The following CSMD1 variants were observed in gnomAD, a reference collection of about 807,000 sequenced individuals.
The protein encoded by CSMD1 is CUB and Sushi multiple domains 1.
In CSMD1, 213 loss-of-function variants were observed where a neutral mutation model predicts 417.5. That is an observed-to-expected ratio of 0.51 (90% CI 0.46 to 0.57). The LOEUF is 0.57. Ranked by LOEUF, CSMD1 falls within the 20% of genes least tolerant of loss-of-function variation. CSMD1 has a pLI of 0.00. For missense variants in CSMD1, 6,923 were observed against 4,529.7 expected (o/e 1.53, Z -15.17); for synonymous variants, 2,862 against 1,736.8 (o/e 1.65, Z -16.11).
chr8:3,336,127 T>G (rs2117569928), intron 23 of CSMD1, among the ~76,000 whole-genome samples: 1 of 151,770 alleles, frequency 6.6e-6, no homozygotes, highest in Middle Eastern at 3.4e-3. Context: ...GGCAGGTTTC[T>G]CCAAACCTCT....
At chr8:4,378,829 G>A (rs1028242706) in intron 3 of CSMD1, among the ~76,000 whole-genome samples, 2 of 152,150 alleles carry the variant, frequency 1.3e-5, no homozygotes, top group African/African-American at 4.8e-5. Context: ...TCTGCCATGT[G>A]AGGACACATA....
At chr8:4,306,547 C>A (rs1798259413) in intron 3 of CSMD1, among the ~76,000 whole-genome samples, 1 of 152,066 alleles carries the variant, frequency 6.6e-6, no homozygotes, top group Admixed American at 6.6e-5. Flanking sequence ...AAATTTTCTT[C>A]CTTATGCAAA....
chr8:4,251,346 G>A (rs1305685613), intron 3 of CSMD1, among the ~76,000 whole-genome samples: 2 of 152,208 alleles, frequency 1.3e-5, no homozygotes, highest in Non-Finnish European at 2.9e-5. Flanking sequence ...TTAATAAAAT[G>A]TAATTTAAGA....
chr8:3,586,826 G>C (rs1563176798), intron 8 of CSMD1, among the ~76,000 whole-genome samples: 1 of 152,156 alleles, frequency 6.6e-6, no homozygotes, highest in Admixed American at 6.5e-5. Flanking sequence ...TTGAGACAGA[G>C]TCTCACACTG....
intron 65 of CSMD1, among the ~76,000 whole-genome samples, chr8:2,953,791 G>C (rs1277872407): frequency 1.3e-5 from 2 of 152,144 alleles, no homozygotes; most frequent in Non-Finnish European, 2.9e-5. Flanking sequence ...GAGACACTTG[G>C]AAAAAAATTG....
intron 5 of CSMD1, among the ~76,000 whole-genome samples, chr8:3,859,851 G>C (rs534989171): frequency 6.6e-6 from 1 of 152,250 alleles, no homozygotes; most frequent in South Asian, 2.1e-4. Flanking sequence ...GAAGCCTCCT[G>C]GGTACAGCCT....
intron 5 of CSMD1, among the ~76,000 whole-genome samples, chr8:3,901,665 G>C (rs1356981920): frequency 2.6e-5 from 4 of 152,318 alleles, no homozygotes; most frequent in Admixed American, 6.5e-5. Context: ...TATGTTCACA[G>C]AATGTACTTC....
At chr8:4,023,777 T>C (rs1796914552) in intron 4 of CSMD1, among the ~76,000 whole-genome samples, 1 of 104,140 alleles carries the variant, frequency 9.6e-6, no homozygotes, top group Non-Finnish European at 1.9e-5. Flanking sequence ...TTTTTTTTTT[T>C]TTTTTTTGTG....
intron 2 of CSMD1, among the ~76,000 whole-genome samples, chr8:4,609,322 G>T (rs1341194107): frequency 6.6e-6 from 1 of 152,152 alleles, no homozygotes; most frequent in Admixed American, 6.5e-5. Flanking sequence ...GATTGCTGGA[G>T]CCTGGGAGGC....
At chr8:3,262,609 T>C (rs959744621) in intron 26 of CSMD1, among the ~76,000 whole-genome samples, 2 of 151,534 alleles carry the variant, frequency 1.3e-5, no homozygotes, top group African/African-American at 4.9e-5. Context: ...ATGTGAAAGA[T>C]TATAGTCAGT....
chr8:3,804,033 T>C (rs1224062795), intron 5 of CSMD1, among the ~76,000 whole-genome samples: 1 of 152,144 alleles, frequency 6.6e-6, no homozygotes, highest in Admixed American at 6.5e-5. Context: ...GTTCAAGCGA[T>C]TCTTCTTCCT....
intron 12 of CSMD1, among the ~76,000 whole-genome samples, chr8:3,449,611 G>A (rs75461358): frequency 0.1 from 15,458 of 151,776 alleles, 1,391 homozygotes; most frequent in East Asian, 0.31. Flanking sequence ...TCTGCCTCTT[G>A]GGTTCAAGCA....
intron 1 of CSMD1, among the ~76,000 whole-genome samples, chr8:4,815,760 T>C (rs1019350219): frequency 3.4e-5 from 5 of 148,172 alleles, no homozygotes; most frequent in Admixed American, 1.3e-4. Flanking sequence ...AAGGAGTTTA[T>C]ATAATAAACA....
chr8:4,856,242 C>T (rs1197955218), intron 1 of CSMD1, among the ~76,000 whole-genome samples: 1 of 138,002 alleles, frequency 7.2e-6, no homozygotes, highest in African/African-American at 2.8e-5. Context: ...ACCAGGCCTG[C>T]CTTACAAGAG....
At chr8:3,624,229 G>A (rs1796389791) in intron 7 of CSMD1, among the ~76,000 whole-genome samples, 1 of 152,086 alleles carries the variant, frequency 6.6e-6, no homozygotes, top group Admixed American at 6.5e-5. Context: ...AAGCCATATG[G>A]TTTCAACCAC....
chr8:3,595,109 A>T (rs887437701), intron 8 of CSMD1, among the ~76,000 whole-genome samples: 6 of 152,188 alleles, frequency 3.9e-5, no homozygotes, highest in African/African-American at 1.4e-4. Context: ...TTGTCCTATA[A>T]GGGAGTTTTT....
chr8:4,590,868 C>G (rs1799948840), intron 2 of CSMD1, among the ~76,000 whole-genome samples: 1 of 152,172 alleles, frequency 6.6e-6, no homozygotes, highest in Non-Finnish European at 1.5e-5. Flanking sequence ...AATGACTAAT[C>G]TTTACTTGGC....
chr8:4,545,011 A>C (rs1174951865), intron 2 of CSMD1, among the ~76,000 whole-genome samples: 3 of 152,226 alleles, frequency 2.0e-5, no homozygotes, highest in African/African-American at 7.2e-5. Flanking sequence ...TATATTTATC[A>C]CGCACGTATC....
rs181540821 is a variant in CSMD1, at chr8:4,607,983, T to C, written c.302+29359A>G. ...CAGCCCACCTGTATCAATGTTATTATATACAGTGGTCAGAGAAGGCATCAG... is the reference window on the plus strand; with the variant it reads ...CAGCCCACCTGTATCAATGTTATTACATACAGTGGTCAGAGAAGGCATCAG... On this transcript the variant is annotated intron_variant, in intron 2 of 69. Coordinates refer to ENST00000635120, the MANE Select transcript of CSMD1 (RefSeq NM_033225.6). Among the ~76,000 whole-genome samples, 155 of 152,266 alleles carry C rather than the reference T, an allele frequency of 1.0e-3. 1 individual carries two copies. Among genetic ancestry groups the C allele is most frequent in the Admixed American group, 9.5e-3 (146 of 15,304 alleles).
Sources: gnomAD v4.1 joint callset for allele counts (sites outside exome capture counted in the v4.1 genomes callset) on GRCh38, gnomAD v4.1.1 for gene constraint, MANE v1.5 for transcripts, NCBI Gene and HGNC (gene_info 2026-07-23, HGNC 2026-07-21) for gene names.